Variants in OTUD7A observed in about 807,000 individuals in gnomAD.
OTUD7A encodes the protein OTU deubiquitinase 7A.
OTUD7A carries 12 observed loss-of-function variants against 65.7 expected under a neutral mutation model. The observed-to-expected ratio is 0.18, with a 90% CI of 0.12 to 0.30. The LOEUF is 0.30. OTUD7A is among the 10% of genes least tolerant of loss of function. The pLI, the probability that OTUD7A is intolerant of heterozygous loss-of-function variation, is 1.00. For missense variants in OTUD7A, 1,148 were observed against 1,304.8 expected (o/e 0.88, Z 1.85); for synonymous variants, 641 against 586.3 (o/e 1.09, Z -1.35).
rs542866933 is a variant in OTUD7A at position 31,661,458 on chromosome 15, T to C, written c.-99-4381A>G. Among the ~76,000 whole-genome samples the C allele has an allele frequency of 2.9e-3, 436 of 152,308 alleles. 5 individuals are homozygous for C. Among genetic ancestry groups the C allele is most frequent in the African/African-American group, 0.01 (420 of 41,554 alleles). ...GAGAACACAGAATTACCTGATGGTA[T>C]ATATTTTAAAAATATTTTTCTAATA... On this transcript the variant is annotated intron_variant, in intron 1 of 12. Coordinates refer to ENST00000307050, the MANE Select transcript of OTUD7A (RefSeq NM_001382637.1).
chr15:31,500,236 C>T (rs1265599192), intron 10 of OTUD7A, among the ~76,000 whole-genome samples: 1 of 152,216 alleles, frequency 6.6e-6, no homozygotes, highest in Non-Finnish European at 1.5e-5. Flanking sequence ...ATTCCGCATT[C>T]CGGATTGAAA....
intron 1 of OTUD7A, among the ~76,000 whole-genome samples, chr15:31,782,054 G>A (rs1457111064): frequency 6.6e-6 from 1 of 152,214 alleles, no homozygotes; most frequent in African/African-American, 2.4e-5. Flanking sequence ...TCACGTAAGG[G>A]AATGGGTTTT....
intron 1 of OTUD7A, among the ~76,000 whole-genome samples, chr15:31,823,119 C>T (rs888433322): frequency 3.9e-5 from 6 of 152,192 alleles, no homozygotes; most frequent in African/African-American, 1.4e-4. Flanking sequence ...AAATACCATA[C>T]ACATAAAGCT....
intron 3 of OTUD7A, among the ~76,000 whole-genome samples, chr15:31,591,198 GAGTTT>G (rs1340336119): frequency 1.3e-5 from 2 of 151,988 alleles, no homozygotes; most frequent in Non-Finnish European, 2.9e-5. Context: ...GAGGTGTTGG[GAGTTT>G]GAGAGATTTG....
intron 1 of OTUD7A, among the ~76,000 whole-genome samples, chr15:31,828,457 G>A (rs1195338789): frequency 1.3e-5 from 2 of 152,060 alleles, no homozygotes; most frequent in Non-Finnish European, 2.9e-5. Flanking sequence ...TCTTTGTGGT[G>A]GGAACACACA....
intron 10 of OTUD7A, among the ~76,000 whole-genome samples, chr15:31,500,188 C>T (rs1285582423): frequency 6.6e-6 from 1 of 152,186 alleles, no homozygotes; most frequent in Non-Finnish European, 1.5e-5. Context: ...CGGGGTCAGC[C>T]CTACGAAGAG....
chr15:31,581,315 G>A (rs1889363915), intron 3 of OTUD7A, among the ~76,000 whole-genome samples: 1 of 152,182 alleles, frequency 6.6e-6, no homozygotes, highest in Admixed American at 6.5e-5. Context: ...GCTTTTCCAG[G>A]TGCACAGTGC....
intron 1 of OTUD7A, among the ~76,000 whole-genome samples, chr15:31,736,328 G>A (rs532304561): frequency 4.6e-5 from 7 of 152,290 alleles, no homozygotes; most frequent in Admixed American, 4.6e-4. Context: ...GCCACAGCTT[G>A]ATAATTACAG....
intron 3 of OTUD7A, among the ~76,000 whole-genome samples, chr15:31,627,487 T>C (rs1447185787): frequency 2.0e-5 from 3 of 152,124 alleles, no homozygotes; most frequent in East Asian, 1.9e-4. Context: ...ATCCAGTCTA[T>C]GGTTGTTGGA....
intron 1 of OTUD7A, among the ~76,000 whole-genome samples, chr15:31,721,417 A>G (rs1282800164): frequency 8.6e-5 from 13 of 151,322 alleles, no homozygotes; most frequent in Non-Finnish European, 1.5e-5. Context: ...CCTTTGGGCC[A>G]CCACTTGTCT....
chr15:31,626,320 T>C (rs1321676748), intron 3 of OTUD7A, among the ~76,000 whole-genome samples: 1 of 152,206 alleles, frequency 6.6e-6, no homozygotes, highest in Non-Finnish European at 1.5e-5. Flanking sequence ...GATGGATTCA[T>C]GGAAGAATGG....
At chr15:31,712,901 G>C (rs1440534826) in intron 1 of OTUD7A, among the ~76,000 whole-genome samples, 1 of 150,794 alleles carries the variant, frequency 6.6e-6, no homozygotes, top group African/African-American at 2.4e-5. Flanking sequence ...TTATATTCTT[G>C]ATCAGTTCAA....
intron 1 of OTUD7A, among the ~76,000 whole-genome samples, chr15:31,823,294 G>C (rs897083381): frequency 6.6e-6 from 1 of 152,304 alleles, no homozygotes; most frequent in Admixed American, 6.5e-5. Context: ...GCTGGGCTTC[G>C]AGGGAGGAGG....
At chr15:31,685,430 C>T (rs924335247) in intron 1 of OTUD7A, among the ~76,000 whole-genome samples, 7 of 151,752 alleles carry the variant, frequency 4.6e-5, no homozygotes, top group African/African-American at 1.5e-4. Context: ...TGGATCATGA[C>T]GTCAGGAGAT....
intron 3 of OTUD7A, among the ~76,000 whole-genome samples, chr15:31,594,234 A>G (rs1318553251): frequency 6.6e-6 from 1 of 152,214 alleles, no homozygotes; most frequent in African/African-American, 2.4e-5. Flanking sequence ...TGAGATCTGC[A>G]CGGTACTTAA....
intron 10 of OTUD7A, among the ~76,000 whole-genome samples, chr15:31,497,023 C>G (rs556839352): frequency 3.4e-4 from 52 of 152,228 alleles, no homozygotes; most frequent in Non-Finnish European, 6.9e-4. Context: ...GCAGCCGTTT[C>G]AGAGCTCTCT....
In OTUD7A at chr15:31,858,501, C is replaced by T. The variant is rs115744367; in HGVS notation, c.-100+12006G>A. Among the ~76,000 whole-genome samples the T allele has an allele frequency of 7.0e-3, 1,065 of 152,248 alleles. 14 individuals carry two copies. The highest frequency in any genetic ancestry group is 0.025 in the African/African-American group (1,025 of 41,542). On this transcript the variant is annotated intron_variant, in intron 1 of 12. Coordinates refer to ENST00000307050, the MANE Select transcript of OTUD7A (RefSeq NM_001382637.1). ...GGGGGATGGGACCCACCTTGCAGAA[C>T]AGGGCAGCAGGAATAGTTAAGGGCA... is the stretch of plus-strand genomic sequence containing the variant.
chr15:31,821,998 C>G (rs954082931), intron 1 of OTUD7A, among the ~76,000 whole-genome samples: 20 of 152,192 alleles, frequency 1.3e-4, no homozygotes, highest in African/African-American at 4.3e-4. Context: ...TTTATATATT[C>G]TGGATATGAG....
At chr15:31,582,294 CA>C (rs1889396684) in intron 3 of OTUD7A, among the ~76,000 whole-genome samples, 1 of 152,164 alleles carries the variant, frequency 6.6e-6, no homozygotes, top group Non-Finnish European at 1.5e-5. Flanking sequence ...TAGGAAGTTC[CA>C]AACTTTCCCA....
Sources: allele counts gnomAD v4.1 joint callset (sites outside exome capture counted in the v4.1 genomes callset), GRCh38; gene constraint gnomAD v4.1.1; transcripts MANE v1.5; gene names NCBI Gene and HGNC (gene_info 2026-07-23, HGNC 2026-07-21).